LIPC: variants seen among roughly 807,000 people sequenced by gnomAD.
The protein encoded by LIPC is lipase C, hepatic type.
In LIPC, 44 loss-of-function variants were observed where a neutral mutation model predicts 50.7. The ratio of observed to expected loss-of-function variants is 0.87; its 90% CI spans 0.68 to 1.11. The LOEUF (loss-of-function observed/expected upper bound fraction) is 1.11, where lower values mean the gene tolerates loss of function less well. Among genes scored for constraint, LIPC ranks in the 50% most tolerant of loss-of-function variants. LIPC has a pLI of 0.00. For synonymous variants in LIPC, 271 were observed against 256.4 expected (o/e 1.06, Z -0.54); for missense variants, 697 against 648.2 (o/e 1.08, Z -0.82).
chr15:58,568,741 G>A lies in LIPC; in HGVS notation c.1414G>A (p.Asp472Asn), dbSNP rs147928190. The A allele has an allele frequency of 1.9e-6, 3 of 1,608,814 alleles. No individual in the cohort carries two copies. Among genetic ancestry groups the A allele is most frequent in the African/African-American group, 2.7e-5 (2 of 74,814 alleles). ...QRMTFCSENTDDLLLRPTQEK... is the reference protein window; with the variant it reads ...QRMTFCSENTNDLLLRPTQEK... ...AATGACATTTTGTTCAGAAAACACAGATGACCTACTACTTCGCCCAACCCA... is the reference window on the plus strand; with the variant it reads ...AATGACATTTTGTTCAGAAAACACAAATGACCTACTACTTCGCCCAACCCA... Residue 472 changes from aspartate (D) to asparagine (N), a missense_variant, in exon 9 of 9, where the codon GAT becomes AAT. Coordinates refer to ENST00000299022, the MANE Select transcript of LIPC (RefSeq NM_000236.3).
intron 1 of LIPC, among the ~76,000 whole-genome samples, chr15:58,518,946 AAAAAAGAAAG>A (rs1892566686): frequency 1.3e-5 from 2 of 152,268 alleles, no homozygotes; most frequent in South Asian, 2.1e-4. Context: ...CACCTAAAAA[AAAAAAGAAAG>A]AAAAAGAAAA....
intron 1 of LIPC, among the ~76,000 whole-genome samples, chr15:58,502,685 G>T (rs1373718880): frequency 7.2e-5 from 11 of 151,934 alleles, no homozygotes; most frequent in African/African-American, 1.2e-4. Context: ...TGTGAGAACT[G>T]GGGGAATATG....
chr15:58,551,039 G>A (rs929879858), intron 6 of LIPC, among the ~76,000 whole-genome samples: 15 of 106,426 alleles, frequency 1.4e-4, no homozygotes, highest in Admixed American at 9.9e-5. Flanking sequence ...GTTTCGCCAC[G>A]TTGGCCAGGC....
chr15:58,438,581 G>A (rs567430551), intron 1 of LIPC, among the ~76,000 whole-genome samples: 18 of 152,214 alleles, frequency 1.2e-4, no homozygotes, highest in Non-Finnish European at 1.3e-4. Context: ...GTCCAGCAGC[G>A]GGTGGAGGAG....
In LIPC at chr15:58,541,789, A is replaced by G. The variant is rs1020072887; in HGVS notation, c.278A>G (p.Asp93Gly). 1 of 1,613,372 alleles carries G rather than the reference A, an allele frequency of 6.2e-7. No homozygotes were observed. Among genetic ancestry groups the G allele is most frequent in the Non-Finnish European group, 8.5e-7 (1 of 1,179,886 alleles). The change falls in exon 3 of 9, where the codon GAC (aspartate) becomes GGC (glycine). Residue 93 changes from aspartate to glycine, a missense_variant. By Grantham distance (94) the Asp-to-Gly change is moderately conservative (BLOSUM62 -1). Transcript: ENST00000299022. ...LVMIIHGWSVDGVLENWIWQM... is the reference protein window; with the variant it reads ...LVMIIHGWSVGGVLENWIWQM... Reference sequence around the variant, plus strand: ...CTCCCTCTGTCCCCTCCTCAGGTGGACGGCGTGCTAGAAAACTGGATCTGG... The same window carrying G: ...CTCCCTCTGTCCCCTCCTCAGGTGGGCGGCGTGCTAGAAAACTGGATCTGG...
rs532265584 is a variant in LIPC at position 58,563,482 on chromosome 15, C to T, written c.1170-23C>T. ...GCTGTTACGACTAAACTGATTGTGT[C>T]TGATTTTCTTTGTGTATTCAAGGGG... is the stretch of plus-strand genomic sequence containing the variant. On this transcript the variant is annotated intron_variant, in intron 7 of 8. Coordinates refer to ENST00000299022, the MANE Select transcript of LIPC (RefSeq NM_000236.3). The T allele has an allele frequency of 1.0e-4, 162 of 1,585,052 alleles. 1 individual carries two copies. Among genetic ancestry groups the T allele is most frequent in the Non-Finnish European group, 1.4e-4 (158 of 1,154,260 alleles).
intron 6 of LIPC, among the ~76,000 whole-genome samples, chr15:58,549,948 G>T (rs1326098994): frequency 2.0e-5 from 3 of 152,182 alleles, no homozygotes; most frequent in African/African-American, 4.8e-5. Flanking sequence ...CTTTTAAATG[G>T]CAATGCCGCC....
chr15:58,482,014 A>G (rs1053653642), intron 1 of LIPC, among the ~76,000 whole-genome samples: 2 of 152,196 alleles, frequency 1.3e-5, no homozygotes, highest in East Asian at 3.8e-4. Flanking sequence ...CTGGGGTCAG[A>G]AGCAGGAGGA....
intron 1 of LIPC, among the ~76,000 whole-genome samples, chr15:58,518,934 G>A (rs541398546): frequency 6.7e-5 from 10 of 150,306 alleles, no homozygotes; most frequent in Non-Finnish European, 1.0e-4. Context: ...CTTACGATTC[G>A]TCACCTAAAA....
At chr15:58,565,888 C>T in intron 8 of LIPC, 1 of 970,662 alleles carries the variant, frequency 1.0e-6, no homozygotes, top group Non-Finnish European at 1.2e-6. Flanking sequence ...TGTGTCTACA[C>T]AGTGCCAGGT....
At chr15:58,480,804 C>G (rs1388991759) in intron 1 of LIPC, among the ~76,000 whole-genome samples, 1 of 152,010 alleles carries the variant, frequency 6.6e-6, no homozygotes. Flanking sequence ...CCAATGTGGC[C>G]CAGGGAAGCC....
At chr15:58,554,264 A>C (rs57437914) in intron 6 of LIPC, among the ~76,000 whole-genome samples, 1 of 152,094 alleles carries the variant, frequency 6.6e-6, no homozygotes, top group Non-Finnish European at 1.5e-5. Flanking sequence ...TTCTGCTGTA[A>C]ATGGAGTTTC....
chr15:58,470,103 T>A (rs1158493335), intron 1 of LIPC, among the ~76,000 whole-genome samples: 1 of 152,060 alleles, frequency 6.6e-6, no homozygotes, highest in Non-Finnish European at 1.5e-5. Context: ...CGGATAATTT[T>A]TGTAATTTTT....
chr15:58,514,717 C>T (rs1215116932), intron 1 of LIPC, among the ~76,000 whole-genome samples: 1 of 152,026 alleles, frequency 6.6e-6, no homozygotes, highest in Non-Finnish European at 1.5e-5. Flanking sequence ...CCAGCTACTT[C>T]GGAGGCTGAG....
Position 58,548,450 on chromosome 15 carries a change from A to G in LIPC, c.929A>G (p.Gln310Arg), listed in dbSNP as rs763435781. Residue 310 changes from glutamine to arginine, a missense_variant, in exon 6 of 9, where the codon CAG becomes CGG. Gln to Arg is a conservative substitution (Grantham distance 43, BLOSUM62 1). Coordinates refer to ENST00000299022, the MANE Select transcript of LIPC (RefSeq NM_000236.3). ...TGTGGTGACATGAACAGCTTCAGCC[A>G]GGGCCTGTGCCTGAGCTGCAAGAAG... ...YPCGDMNSFS[Q>R]GLCLSCKKGR... 22 of 1,613,674 alleles carry G rather than the reference A, an allele frequency of 1.4e-5. No homozygotes were observed. In the African/African-American group the frequency reaches 2.8e-4, roughly 21 times the overall value.
intron 1 of LIPC, among the ~76,000 whole-genome samples, chr15:58,479,348 C>G (rs973558378): frequency 6.6e-6 from 1 of 152,186 alleles, no homozygotes; most frequent in Admixed American, 6.5e-5. Context: ...TCTAGTGTTC[C>G]TAAGATAAAG....
At chr15:58,470,144 C>G (rs1250856115) in intron 1 of LIPC, among the ~76,000 whole-genome samples, 1 of 152,128 alleles carries the variant, frequency 6.6e-6, no homozygotes, top group Non-Finnish European at 1.5e-5. Flanking sequence ...ATTGCCCAAG[C>G]TGGTCTCAAA....
At chr15:58,551,216 G>A (rs896478814) in intron 6 of LIPC, among the ~76,000 whole-genome samples, 12 of 151,874 alleles carry the variant, frequency 7.9e-5, no homozygotes, top group African/African-American at 2.4e-4. Context: ...GTCCTCACCC[G>A]CTCAACCCAG....
intron 1 of LIPC, among the ~76,000 whole-genome samples, chr15:58,489,452 C>T (rs1157259101): frequency 6.6e-6 from 1 of 152,006 alleles, no homozygotes; most frequent in Non-Finnish European, 1.5e-5. Flanking sequence ...GTTTGATGTA[C>T]AGGGGATTAG....
Sources: gnomAD v4.1 joint callset for allele counts (sites outside exome capture counted in the v4.1 genomes callset) on GRCh38, gnomAD v4.1.1 for gene constraint, MANE v1.5 for transcripts, NCBI Gene and HGNC (gene_info 2026-07-23, HGNC 2026-07-21) for gene names.